FHIT: variants seen among roughly 807,000 people sequenced by gnomAD.
FHIT encodes bis(5'-adenosyl)-triphosphatase.
FHIT carries 19 observed loss-of-function variants against 17.9 expected under a neutral mutation model. The ratio of observed to expected loss-of-function variants is 1.06; its 90% confidence interval spans 0.74 to 1.56. FHIT has a LOEUF of 1.56. FHIT is among the 40% of genes most tolerant of loss of function. The pLI, the probability that FHIT is intolerant of heterozygous loss-of-function variation, is 0.00. For synonymous variants in FHIT, 81 were observed against 69.7 expected (o/e 1.16, Z -0.81); for missense variants, 248 against 189.2 (o/e 1.31, Z -1.82).
At chr3:60,090,657 A>G (rs1285054555) in intron 5 of FHIT, among the ~76,000 whole-genome samples, 6 of 152,188 alleles carry the variant, frequency 3.9e-5, no homozygotes, top group African/African-American at 1.4e-4. Context: ...ATCTACCACT[A>G]GAGTGACATG....
At chr3:60,243,177 C>T (rs1705222897) in intron 5 of FHIT, among the ~76,000 whole-genome samples, 2 of 152,004 alleles carry the variant, frequency 1.3e-5, no homozygotes, top group South Asian at 4.1e-4. Context: ...TACAGGGTTA[C>T]CTCTAAGCAG....
In FHIT at chr3:60,962,027, C is replaced by G. The variant is rs554480602; in HGVS notation, c.-111+80020G>C. Among the ~76,000 whole-genome samples, 22 of 152,242 alleles carry G rather than the reference C, an allele frequency of 1.4e-4. No homozygotes were observed. In the East Asian group the frequency reaches 4.1e-3, roughly 28 times the overall value. ...CTATAAATTGCCTTGGGCAGTATGG[C>G]CATTTTCACGATATTGATTCTTCCT... On this transcript the variant is annotated intron_variant, in intron 3 of 9. Transcript: ENST00000492590.
At chr3:60,767,929 G>A (rs13099811) in intron 4 of FHIT, among the ~76,000 whole-genome samples, 59,428 of 152,042 alleles carry the variant, frequency 0.39, 11,922 homozygotes, top group Non-Finnish European at 0.42. Flanking sequence ...TAGATTACAC[G>A]GGATTGTACT....
chr3:60,206,149 AAAT>A (rs1041282613), intron 5 of FHIT, among the ~76,000 whole-genome samples: 2 of 94,140 alleles, frequency 2.1e-5, no homozygotes, highest in Admixed American at 1.0e-4. Context: ...AAAAAAAAAT[AAAT>A]AATAATAATA....
chr3:59,994,886 G>A (rs997271970), intron 7 of FHIT, among the ~76,000 whole-genome samples: 2 of 152,082 alleles, frequency 1.3e-5, no homozygotes, highest in African/African-American at 4.8e-5. Context: ...CGCCACACCT[G>A]TTTCTATTCT....
At chr3:60,553,097 A>G in intron 4 of FHIT, among the ~76,000 whole-genome samples, 1 of 152,208 alleles carries the variant, frequency 6.6e-6, no homozygotes, top group East Asian at 1.9e-4. Flanking sequence ...CTGAACTGCA[A>G]TGAATGGGTA....
chr3:60,399,875 G>A (rs780661970), intron 5 of FHIT, among the ~76,000 whole-genome samples: 1 of 152,126 alleles, frequency 6.6e-6, no homozygotes, highest in African/African-American at 2.4e-5. Context: ...GCTGTCCATA[G>A]TGCCACCTAT....
intron 8 of FHIT, among the ~76,000 whole-genome samples, chr3:59,793,219 T>C (rs1290303108): frequency 1.3e-5 from 2 of 152,156 alleles, no homozygotes; most frequent in Non-Finnish European, 2.9e-5. Context: ...GTCTGAGGAC[T>C]CCAGGTAAGA....
intron 5 of FHIT, among the ~76,000 whole-genome samples, chr3:60,524,944 G>C (rs1323811983): frequency 6.6e-6 from 1 of 152,144 alleles, no homozygotes; most frequent in South Asian, 2.1e-4. Flanking sequence ...TCTTTTGAGG[G>C]ATCCCCATTC....
chr3:60,695,495 G>T (rs1356356515), intron 4 of FHIT, among the ~76,000 whole-genome samples: 2 of 152,184 alleles, frequency 1.3e-5, no homozygotes, highest in African/African-American at 4.8e-5. Flanking sequence ...AACTGTGAGG[G>T]TTCAGATGCT....
chr3:60,624,565 T>C (rs1457426706), intron 4 of FHIT, among the ~76,000 whole-genome samples: 1 of 152,014 alleles, frequency 6.6e-6, no homozygotes, highest in Non-Finnish European at 1.5e-5. Flanking sequence ...AAAAGTAAAA[T>C]ATTCAAGAAG....
chr3:60,380,752 C>T (rs371575173), intron 5 of FHIT, among the ~76,000 whole-genome samples: 2 of 152,138 alleles, frequency 1.3e-5, no homozygotes, highest in Non-Finnish European at 2.9e-5. Flanking sequence ...GTTTCTAACA[C>T]CCCTGAGCAT....
chr3:59,801,285 T>C (rs535651061), intron 8 of FHIT, among the ~76,000 whole-genome samples: 2 of 150,666 alleles, frequency 1.3e-5, no homozygotes, highest in Non-Finnish European at 2.9e-5. Context: ...TTGCACCTAA[T>C]GTAATGATGG....
At chr3:61,154,254 T>C (rs1329426331) in intron 2 of FHIT, among the ~76,000 whole-genome samples, 2 of 152,136 alleles carry the variant, frequency 1.3e-5, no homozygotes, top group Non-Finnish European at 2.9e-5. Flanking sequence ...GATAGGACCA[T>C]TTACACTAAA....
chr3:60,839,790 G>T (rs1429238860), intron 3 of FHIT, among the ~76,000 whole-genome samples: 1 of 152,036 alleles, frequency 6.6e-6, no homozygotes, highest in Non-Finnish European at 1.5e-5. Flanking sequence ...GACATGAAAT[G>T]GAATAGATTT....
intron 4 of FHIT, among the ~76,000 whole-genome samples, chr3:60,812,390 C>A (rs1354475505): frequency 6.6e-6 from 1 of 151,976 alleles, no homozygotes; most frequent in Non-Finnish European, 1.5e-5. Flanking sequence ...GAACTCCTGG[C>A]CTCAAGAAAT....
intron 5 of FHIT, among the ~76,000 whole-genome samples, chr3:60,502,525 C>T (rs957971212): frequency 2.0e-5 from 3 of 152,168 alleles, no homozygotes. Flanking sequence ...TCCAAGGATC[C>T]TGCAAAGTTC....
intron 5 of FHIT, among the ~76,000 whole-genome samples, chr3:60,514,775 G>C (rs1335327893): frequency 6.6e-6 from 1 of 152,146 alleles, no homozygotes; most frequent in East Asian, 1.9e-4. Flanking sequence ...TCTGAGAGGA[G>C]AGAAATCTTT....
intron 4 of FHIT, among the ~76,000 whole-genome samples, chr3:60,567,136 G>T (rs1359442339): frequency 6.6e-6 from 1 of 151,902 alleles, no homozygotes; most frequent in Non-Finnish European, 1.5e-5. Context: ...AACCAAAAAA[G>T]AGCCCACACT....
Sources: gnomAD v4.1 joint callset for allele counts (sites outside exome capture counted in the v4.1 genomes callset) on GRCh38, gnomAD v4.1.1 for gene constraint, MANE v1.5 for transcripts, NCBI Gene and HGNC (gene_info 2026-07-23, HGNC 2026-07-21) for gene names.